The following UBASH3A variants were observed in gnomAD, a reference collection of about 807,000 sequenced individuals.
The protein encoded by UBASH3A is ubiquitin associated and SH3 domain containing A.
In UBASH3A, 63 loss-of-function variants were observed where a neutral mutation model predicts 73.5. The observed-to-expected ratio is 0.86, with a 90% CI of 0.70 to 1.06. UBASH3A has a LOEUF of 1.06. Ranked by LOEUF, UBASH3A falls within the 50% of genes least tolerant of loss-of-function variation. The pLI is 0.00. For missense variants in UBASH3A, 860 were observed against 859.0 expected (o/e 1.00, Z -0.02); for synonymous variants, 363 against 351.1 (o/e 1.03, Z -0.38).
chr21:42,423,540 C>T (rs1332615381), intron 7 of UBASH3A, among the ~76,000 whole-genome samples: 1 of 152,214 alleles, frequency 6.6e-6, no homozygotes, highest in Admixed American at 6.5e-5. Flanking sequence ...TGGGGCTCCC[C>T]TGTGGCCCCG....
intron 1 of UBASH3A, among the ~76,000 whole-genome samples, chr21:42,405,682 GT>G (rs1202109093): frequency 6.6e-6 from 1 of 152,164 alleles, no homozygotes; most frequent in Non-Finnish European, 1.5e-5. Context: ...ATTCCATTCT[GT>G]TTCATTTGGT....
chr21:42,409,826 C>T (rs145134332), intron 3 of UBASH3A, among the ~76,000 whole-genome samples: 237 of 152,300 alleles, frequency 1.6e-3, no homozygotes, highest in African/African-American at 5.3e-3. Flanking sequence ...TTATCCTCTC[C>T]CCTTTTTGAG....
At chr21:42,404,674 G>C (rs1308080806) in intron 1 of UBASH3A, among the ~76,000 whole-genome samples, 2 of 152,198 alleles carry the variant, frequency 1.3e-5, no homozygotes, top group African/African-American at 4.8e-5. Context: ...CCCAAAGCCC[G>C]CTGAGTCTCT....
intron 3 of UBASH3A, among the ~76,000 whole-genome samples, chr21:42,411,908 A>T (rs1009003594): frequency 6.6e-6 from 1 of 152,214 alleles, no homozygotes; most frequent in Non-Finnish European, 1.5e-5. Flanking sequence ...TGAGGGTTGC[A>T]GAGAAAACAG....
chr21:42,414,082 G>A (rs564157343), intron 5 of UBASH3A, among the ~76,000 whole-genome samples: 8 of 152,234 alleles, frequency 5.3e-5, no homozygotes, highest in African/African-American at 1.7e-4. Context: ...CTGAGTCTGT[G>A]GCCCATCCTG....
chr21:42,428,372 T>C (rs1225429360), intron 8 of UBASH3A, among the ~76,000 whole-genome samples: 1 of 152,112 alleles, frequency 6.6e-6, no homozygotes, highest in Non-Finnish European at 1.5e-5. Context: ...AAATCAAGAA[T>C]GTGTCTCTGA....
chr21:42,422,231 A>T lies in UBASH3A; in HGVS notation c.1046+3622A>T, dbSNP rs138972180. 1.6e-3 allele frequency among the ~76,000 whole-genome samples: 250 copies of T among 152,354 alleles called. 1 individual carries two copies. Among genetic ancestry groups the T allele is most frequent in the African/African-American group, 5.7e-3 (238 of 41,584 alleles). On this transcript the variant is annotated intron_variant, in intron 7 of 14. Transcript: ENST00000319294. ...ATGAATAAGAACTTAGGACCACAAA[A>T]TGCAAATGTGGGATGAAAAATGCAG...
At chr21:42,410,033 G>C in intron 3 of UBASH3A, 1 of 700,900 alleles carries the variant, frequency 1.4e-6, no homozygotes, top group Non-Finnish European at 2.6e-6. Flanking sequence ...AACAGAGTTT[G>C]TGCTTCCAAA....
Position 42,442,482 on chromosome 21 carries a change from G to C in UBASH3A, c.1517G>C (p.Arg506Pro), listed in dbSNP as rs769521672. The C allele has an allele frequency of 1.9e-6, 3 of 1,614,078 alleles. No homozygotes were observed. In the South Asian group the frequency reaches 3.3e-5, roughly 18 times the overall value. The part of the protein sequence containing the change: ...ELKLEKKIKI[R>P]VEPGIFEWTK... The stretch of plus-strand genomic sequence containing the variant: ...AAACTGGAGAAAAAAATCAAGATAC[G>C]AGTGGAACCTGGAATCTTTGAATGG... Residue 506 changes from arginine (R) to proline (P), a missense_variant, in exon 12 of 15, where the codon CGA becomes CCA. Transcript: ENST00000319294.
intron 2 of UBASH3A, among the ~76,000 whole-genome samples, chr21:42,409,055 G>A (rs1394086423): frequency 6.6e-6 from 1 of 152,188 alleles, no homozygotes; most frequent in African/African-American, 2.4e-5. Context: ...ATACAAATGT[G>A]AGGTTTTTCC....
At chr21:42,408,103 C>T (rs1194313208) in intron 2 of UBASH3A, among the ~76,000 whole-genome samples, 1 of 152,200 alleles carries the variant, frequency 6.6e-6, no homozygotes, top group African/African-American at 2.4e-5. Context: ...GCAGCTTCAC[C>T]CTCTGGGTGA....
chr21:42,408,926 A>C (rs2146493683), intron 2 of UBASH3A, among the ~76,000 whole-genome samples: 1 of 148,882 alleles, frequency 6.7e-6, no homozygotes, highest in South Asian at 2.1e-4. Context: ...AATAAAATAA[A>C]ATAAAATAAA....
intron 2 of UBASH3A, 151 bp from the exon 3 acceptor site, chr21:42,409,271 G>A: frequency 2.6e-6 from 2 of 777,694 alleles, no homozygotes; most frequent in African/African-American, 3.5e-5. Flanking sequence ...TAGGATGGCT[G>A]TGAGATTAAT....
chr21:42,445,774 T>A (rs547975761), intron 14 of UBASH3A, among the ~76,000 whole-genome samples: 1 of 152,280 alleles, frequency 6.6e-6, no homozygotes, highest in South Asian at 2.1e-4. Context: ...TGTGTCCCAA[T>A]TATGATCCAG....
Position 42,406,306 on chromosome 21 carries a change from A to G in UBASH3A, c.114-2A>G. ...TTTGTGTCTGTGTCTGCTCTTCTGCAGGCTGAAAGCGTTGGCAGCCACGGG... is the reference window on the plus strand; with the variant it reads ...TTTGTGTCTGTGTCTGCTCTTCTGCGGGCTGAAAGCGTTGGCAGCCACGGG... On this transcript the variant is annotated splice_acceptor_variant, in intron 1 of 14. Coordinates refer to ENST00000319294, the MANE Select transcript of UBASH3A (RefSeq NM_018961.4). LOFTEE classifies it high-confidence loss of function. The G allele has an allele frequency of 6.2e-7, 1 of 1,613,774 alleles. No individual in the cohort carries two copies. Among genetic ancestry groups the G allele is most frequent in the South Asian group, 1.1e-5 (1 of 91,076 alleles).
At chr21:42,443,792 C>T (rs113492993) in intron 13 of UBASH3A, among the ~76,000 whole-genome samples, 7,605 of 151,922 alleles carry the variant, frequency 0.05, 179 homozygotes, top group Middle Eastern at 0.12. Context: ...GTGCAGTAAC[C>T]GGGTGCACAG....
chr21:42,418,396 T>C lies in UBASH3A; in HGVS notation c.838-5T>C. The C allele has an allele frequency of 1.9e-6, 3 of 1,610,016 alleles. No homozygotes were observed. The highest frequency in any genetic ancestry group is 2.6e-6 in the Non-Finnish European group (3 of 1,176,452). On this transcript the variant is annotated splice_region_variant and splice_polypyrimidine_tract_variant and intron_variant, in intron 6 of 14. Transcript: ENST00000319294. ...AGACGTGAAACCCCTTTGCCTCTTTTCTAGACCCTGAGAGCCCTATTCCAG... is the reference window on the plus strand; with the variant it reads ...AGACGTGAAACCCCTTTGCCTCTTTCCTAGACCCTGAGAGCCCTATTCCAG...
chr21:42,418,689 T>A, intron 7 of UBASH3A, 80 bp downstream of exon 7: 1 of 1,304,806 alleles, frequency 7.7e-7, no homozygotes, highest in Non-Finnish European at 1.1e-6. Context: ...AACAGTGTGC[T>A]TCTAGACCAT....
In UBASH3A at chr21:42,444,636, T is replaced by C. The variant is rs771402215; in HGVS notation, c.1841T>C (p.Val614Ala). ...GAATGTGGGGATTTTGCCCAACTCG[T>C]GAGAAAGGTACGCGCCCACTCTTGG... Reference protein sequence around the residue: ...PRECGDFAQLVRKIPSLGMCF... With the variant: ...PRECGDFAQLARKIPSLGMCF... The change falls in exon 14 of 15, where the codon GTG becomes GCG. Residue 614 changes from valine (V) to alanine (A), a missense_variant. By Grantham distance (64) the Val-to-Ala change is moderately conservative. Coordinates refer to ENST00000319294, the MANE Select transcript of UBASH3A (RefSeq NM_018961.4). 1.2e-5 allele frequency: 19 copies of C among 1,613,446 alleles called. No homozygotes were observed. The Admixed American group carries it at 3.0e-4, about 25-fold the overall frequency.
Sources: allele counts gnomAD v4.1 joint callset (sites outside exome capture counted in the v4.1 genomes callset), GRCh38; gene constraint gnomAD v4.1.1; transcripts MANE v1.5; gene names NCBI Gene and HGNC (gene_info 2026-07-23, HGNC 2026-07-21).